NCKAP5: variants seen among roughly 807,000 people sequenced by gnomAD.
The protein encoded by NCKAP5 is nck-associated protein 5.
Under a neutral mutation model 167.0 loss-of-function variants are expected in NCKAP5, and 92 were observed. The ratio of observed to expected loss-of-function variants is 0.55; its 90% confidence interval spans 0.47 to 0.66. The LOEUF (loss-of-function observed/expected upper bound fraction) is 0.66, where lower values mean the gene tolerates loss of function less well. NCKAP5 is among the 30% of genes least tolerant of loss of function. The pLI is 0.00. For synonymous variants in NCKAP5, 891 were observed against 877.4 expected, an observed-to-expected ratio of 1.02 and a Z score of -0.27; for missense variants, 2,378 against 2,315.0, an observed-to-expected ratio of 1.03 and a Z score of -0.56.
At chr2:132,793,297 C>T (rs555441329) in intron 12 of NCKAP5, among the ~76,000 whole-genome samples, 41 of 152,186 alleles carry the variant, frequency 2.7e-4, no homozygotes, top group Non-Finnish European at 3.8e-4. Context: ...TGTGAGCCAC[C>T]GTGCCCAGCC....
At chr2:132,838,191 G>A (rs72847253) in intron 11 of NCKAP5, among the ~76,000 whole-genome samples, 25,897 of 152,026 alleles carry the variant, frequency 0.17, 2,625 homozygotes, top group East Asian at 0.29. Context: ...GTGGCACCTG[G>A]GGTCTCCCAG....
At chr2:132,888,100 G>A (rs1033644097) in intron 8 of NCKAP5, among the ~76,000 whole-genome samples, 7 of 152,080 alleles carry the variant, frequency 4.6e-5, no homozygotes, top group East Asian at 1.9e-4. Flanking sequence ...TGCTTTATAC[G>A]CCTCTTTTCA....
intron 5 of NCKAP5, among the ~76,000 whole-genome samples, chr2:133,146,197 A>G (rs1004510866): frequency 3.3e-5 from 5 of 151,846 alleles, no homozygotes; most frequent in African/African-American, 1.2e-4. Flanking sequence ...AATGGGAGGG[A>G]ACATCTAGAT....
chr2:133,110,935 G>A (rs979852275), intron 6 of NCKAP5, among the ~76,000 whole-genome samples: 3 of 152,016 alleles, frequency 2.0e-5, no homozygotes, highest in African/African-American at 7.3e-5. Context: ...TTTCTCCCTG[G>A]GTCCTCACAT....
At chr2:133,484,417 C>A (rs544858726) in intron 3 of NCKAP5, among the ~76,000 whole-genome samples, 6 of 152,280 alleles carry the variant, frequency 3.9e-5, no homozygotes, top group East Asian at 1.9e-4. Flanking sequence ...TGCTCACAAG[C>A]CGGCATGTCC....
intron 5 of NCKAP5, among the ~76,000 whole-genome samples, chr2:133,181,603 CAAAAAAAA>C (rs34264277): frequency 0.011 from 806 of 71,162 alleles, 17 homozygotes; most frequent in African/African-American, 0.042. Flanking sequence ...CCCATCTCTA[CAAAAAAAA>C]AAAAAAAAAA....
intron 4 of NCKAP5, among the ~76,000 whole-genome samples, chr2:133,265,434 C>A (rs1472629088): frequency 6.6e-6 from 1 of 152,146 alleles, no homozygotes; most frequent in East Asian, 1.9e-4. Context: ...GGAGGAAGGC[C>A]TGCCACCCGG....
intron 2 of NCKAP5, among the ~76,000 whole-genome samples, chr2:133,552,720 A>G (rs59336999): frequency 0.019 from 2,712 of 146,466 alleles, 98 homozygotes; most frequent in African/African-American, 0.065. Context: ...CAATGTGCAC[A>G]TGTACCCTAA....
chr2:133,258,800 C>G (rs2088760117), intron 4 of NCKAP5, among the ~76,000 whole-genome samples: 1 of 151,738 alleles, frequency 6.6e-6, no homozygotes, highest in Non-Finnish European at 1.5e-5. Context: ...GTAACAGATT[C>G]AGTGATCAAA....
chr2:133,002,301 A>G (rs773607414), intron 6 of NCKAP5, among the ~76,000 whole-genome samples: 3 of 152,192 alleles, frequency 2.0e-5, no homozygotes, highest in Non-Finnish European at 4.4e-5. Context: ...TTTCCTGTAC[A>G]TGCATGTCTA....
In NCKAP5 at chr2:133,276,538, TAGAA is replaced by T. The variant is rs534852677; in HGVS notation, c.143+26495_143+26498del. On this transcript the variant is annotated intron_variant, in intron 4 of 19. Transcript: ENST00000409261. ...TTACCAAAATTGGCTCTGTTAGAGATAGAAAGATTAATCAACTCTTCTAGAAAAA... is the reference window on the plus strand; with the variant it reads ...TTACCAAAATTGGCTCTGTTAGAGATAGATTAATCAACTCTTCTAGAAAAA... 3.1e-3 allele frequency among the ~76,000 whole-genome samples: 462 copies of T among 151,396 alleles called. 2 individuals carry two copies. Among genetic ancestry groups the T allele is most frequent in the African/African-American group, 0.01 (425 of 41,328 alleles).
At chr2:133,253,369 T>C (rs1476656751) in intron 4 of NCKAP5, among the ~76,000 whole-genome samples, 1 of 152,248 alleles carries the variant, frequency 6.6e-6, no homozygotes, top group Non-Finnish European at 1.5e-5. Context: ...AAGGCAAGTA[T>C]TGTTCTTCCT....
chr2:133,081,737 G>A (rs2080815512), intron 6 of NCKAP5, among the ~76,000 whole-genome samples: 1 of 152,078 alleles, frequency 6.6e-6, no homozygotes, highest in African/African-American at 2.4e-5. Context: ...AGGTAAAGAT[G>A]GCCTTTTGGG....
intron 6 of NCKAP5, among the ~76,000 whole-genome samples, chr2:133,119,754 A>G (rs1467722782): frequency 6.6e-6 from 1 of 151,932 alleles, no homozygotes; most frequent in Non-Finnish European, 1.5e-5. Context: ...GTGTGTGACC[A>G]GAAGTCAGAA....
At chr2:132,690,282 G>A (rs560998129) in intron 19 of NCKAP5, among the ~76,000 whole-genome samples, 1 of 152,246 alleles carries the variant, frequency 6.6e-6, no homozygotes, top group Admixed American at 6.5e-5. Context: ...GAGCATAAGT[G>A]TTCTGCAAAG....
the NCKAP5 span, among the ~76,000 whole-genome samples, chr2:133,618,160 G>A: frequency 2.6e-5 from 4 of 151,894 alleles, no homozygotes; most frequent in African/African-American, 9.7e-5. Context: ...AATTCAAGAT[G>A]GATTAAAGCC....
intron 6 of NCKAP5, among the ~76,000 whole-genome samples, chr2:133,029,641 G>T (rs2078814458): frequency 6.6e-6 from 1 of 152,150 alleles, no homozygotes; most frequent in African/African-American, 2.4e-5. Flanking sequence ...CTATTACATG[G>T]ATTTTTATAA....
At chr2:132,778,804 A>G (rs1574173317) in intron 15 of NCKAP5, among the ~76,000 whole-genome samples, 1 of 152,328 alleles carries the variant, frequency 6.6e-6, no homozygotes, top group Non-Finnish European at 1.5e-5. Flanking sequence ...CTCATTTTGC[A>G]TCTAATCTCC....
At chr2:132,776,114 C>T (rs577322060) in intron 15 of NCKAP5, among the ~76,000 whole-genome samples, 2 of 152,282 alleles carry the variant, frequency 1.3e-5, no homozygotes, top group African/African-American at 2.4e-5. Flanking sequence ...CTATTCATTG[C>T]TATAATTCAA....
Sources: gnomAD v4.1 joint callset for allele counts (sites outside exome capture counted in the v4.1 genomes callset) on GRCh38, gnomAD v4.1.1 for gene constraint, MANE v1.5 for transcripts, NCBI Gene and HGNC (gene_info 2026-07-23, HGNC 2026-07-21) for gene names.